Variants in BBS9 observed in about 807,000 individuals in gnomAD.
BBS9 encodes the protein protein PTHB1.
Under a neutral mutation model 117.7 loss-of-function variants are expected in BBS9, and 89 were observed. The observed-to-expected ratio is 0.76, with a 90% confidence interval of 0.64 to 0.90. The LOEUF is 0.90. BBS9 is among the 40% of genes least tolerant of loss of function. BBS9 has a pLI of 0.00. For missense variants in BBS9, 982 were observed against 1,042.2 expected (o/e 0.94, Z 0.80); for synonymous variants, 379 against 370.9 (o/e 1.02, Z -0.25).
chr7:33,179,375 G>A (rs1414856269), intron 5 of BBS9, among the ~76,000 whole-genome samples: 1 of 152,186 alleles, frequency 6.6e-6, no homozygotes, highest in Admixed American at 6.5e-5. Flanking sequence ...TGAGCGGCAG[G>A]TGAGTGAGCA....
intron 19 of BBS9, among the ~76,000 whole-genome samples, chr7:33,434,725 T>C (rs1835047053): frequency 6.6e-6 from 1 of 152,166 alleles, no homozygotes. Flanking sequence ...TATTTCAAAA[T>C]TAGTACAAAG....
intron 9 of BBS9, among the ~76,000 whole-genome samples, chr7:33,326,946 G>A (rs1191981030): frequency 6.6e-6 from 1 of 151,886 alleles, no homozygotes; most frequent in Non-Finnish European, 1.5e-5. Flanking sequence ...TTTGCTGGGC[G>A]TTCGGGGAAA....
intron 9 of BBS9, among the ~76,000 whole-genome samples, chr7:33,294,699 T>C (rs1272192278): frequency 6.6e-6 from 1 of 152,196 alleles, no homozygotes; most frequent in African/African-American, 2.4e-5. Flanking sequence ...TATTAAAAAG[T>C]CTAAACATGA....
intron 5 of BBS9, among the ~76,000 whole-genome samples, chr7:33,184,418 T>A (rs1349023811): frequency 7.0e-6 from 1 of 142,670 alleles, no homozygotes; most frequent in Non-Finnish European, 1.5e-5. Flanking sequence ...GTGGTTAACA[T>A]CCCATAATGC....
At chr7:33,129,377 T>C (rs757979212), upstream of BBS9, 5 of 414,008 alleles carry the variant, frequency 1.2e-5, no homozygotes, top group African/African-American at 2.1e-5. Flanking sequence ...GCAGTAATTA[T>C]CACTCTCTGC....
At chr7:33,464,730 GTTAATT>G (rs2128940093) in intron 19 of BBS9, among the ~76,000 whole-genome samples, 2 of 151,932 alleles carry the variant, frequency 1.3e-5, no homozygotes, top group African/African-American at 4.8e-5. Flanking sequence ...ACATTTATCA[GTTAATT>G]TTATTATATT....
intron 17 of BBS9, among the ~76,000 whole-genome samples, chr7:33,375,379 T>A (rs2128729941): frequency 6.6e-6 from 1 of 152,140 alleles, no homozygotes; most frequent in Non-Finnish European, 1.5e-5. Context: ...AAAATTCATT[T>A]CTCCCTCCAT....
intron 5 of BBS9, among the ~76,000 whole-genome samples, chr7:33,243,421 A>G (rs1017844707): frequency 6.6e-6 from 1 of 152,220 alleles, no homozygotes; most frequent in Non-Finnish European, 1.5e-5. Context: ...CCAGTCTTTG[A>G]TAGAGAATAG....
chr7:33,413,540 A>G (rs1831488022), intron 19 of BBS9, among the ~76,000 whole-genome samples: 1 of 152,158 alleles, frequency 6.6e-6, no homozygotes, highest in Admixed American at 6.5e-5. Context: ...TAAGTACATC[A>G]ATATCACTGT....
chr7:33,407,747 C>T (rs550095660), intron 19 of BBS9, among the ~76,000 whole-genome samples: 22 of 152,324 alleles, frequency 1.4e-4, no homozygotes, highest in Non-Finnish European at 2.8e-4. Context: ...TGCAGAACCA[C>T]GGATTTTTGT....
chr7:33,391,272 A>G (rs1005068740), intron 19 of BBS9, among the ~76,000 whole-genome samples: 3 of 152,136 alleles, frequency 2.0e-5, no homozygotes, highest in African/African-American at 7.2e-5. Flanking sequence ...GCATAACTCC[A>G]CTGCATGACT....
chr7:33,436,206 A>G (rs898804059), intron 19 of BBS9, among the ~76,000 whole-genome samples: 1 of 152,146 alleles, frequency 6.6e-6, no homozygotes, highest in African/African-American at 2.4e-5. Flanking sequence ...TCTGCTACTT[A>G]AGGACTCCCT....
intron 5 of BBS9, among the ~76,000 whole-genome samples, chr7:33,224,980 A>G (rs1270834607): frequency 2.6e-5 from 4 of 152,202 alleles, no homozygotes; most frequent in Non-Finnish European, 5.9e-5. Context: ...ATTTAAAGGA[A>G]GAAATCTCCC....
chr7:33,473,843 A>G (rs1584951527), intron 19 of BBS9, among the ~76,000 whole-genome samples: 1 of 152,320 alleles, frequency 6.6e-6, no homozygotes, highest in East Asian at 1.9e-4. Context: ...CCCACCAGAC[A>G]TAAGCTGCTC....
intron 17 of BBS9, among the ~76,000 whole-genome samples, chr7:33,376,703 C>T (rs1429890358): frequency 6.6e-6 from 1 of 152,090 alleles, no homozygotes; most frequent in East Asian, 1.9e-4. Flanking sequence ...TTGCTAGCCT[C>T]TGTTATTTTT....
chr7:33,462,079 A>T (rs991364663), intron 19 of BBS9, among the ~76,000 whole-genome samples: 1 of 152,050 alleles, frequency 6.6e-6, no homozygotes, highest in South Asian at 2.1e-4. Flanking sequence ...TAGGGTAGGA[A>T]CACTAGGTTA....
chr7:33,351,189 T>C lies in BBS9; in HGVS notation c.1433-30T>C, dbSNP rs554475549. 5 of 1,458,456 alleles carry C rather than the reference T, an allele frequency of 3.4e-6. No homozygotes were observed. The East Asian group carries it at 1.1e-4, about 33-fold the overall frequency. The allele number at this position is 1,458,456 out of a possible 1,614,324, so 90.3% of individuals were successfully genotyped here. A position where few individuals can be genotyped will look rare whatever the true frequency, so the allele number is the denominator to read the frequency against. ...TTAATAACAGTTGCCCCAAATTATG[T>C]AATTTATATTATTTTTACATTGCTT... On this transcript the variant is annotated intron_variant, in intron 13 of 22. Transcript: ENST00000242067.
chr7:33,262,467 A>G (rs117773497), intron 6 of BBS9, among the ~76,000 whole-genome samples: 4,413 of 152,252 alleles, frequency 0.029, 89 homozygotes, highest in Non-Finnish European at 0.046. Context: ...TCACCAGCGC[A>G]TACTATTTCT....
intron 21 of BBS9, among the ~76,000 whole-genome samples, chr7:33,570,352 A>G (rs1450154675): frequency 6.6e-6 from 1 of 152,206 alleles, no homozygotes; most frequent in Admixed American, 6.5e-5. Context: ...TTGAGCAACA[A>G]AACAAATAAT....
Sources: gnomAD v4.1 joint callset for allele counts (sites outside exome capture counted in the v4.1 genomes callset) on GRCh38, gnomAD v4.1.1 for gene constraint, MANE v1.5 for transcripts, NCBI Gene and HGNC (gene_info 2026-07-23, HGNC 2026-07-21) for gene names.